The following DCLK1 variants were observed in gnomAD, a reference collection of about 807,000 sequenced individuals.
DCLK1 encodes doublecortin like kinase 1.
DCLK1 carries 16 observed loss-of-function variants against 86.2 expected under a neutral mutation model. The ratio of observed to expected loss-of-function variants is 0.19; its 90% CI spans 0.13 to 0.28. The LOEUF is 0.28. Ranked by LOEUF, DCLK1 falls within the 10% of genes least tolerant of loss-of-function variation. The pLI is 1.00. For missense variants in DCLK1, 590 were observed against 940.2 expected, an observed-to-expected ratio of 0.63 and a Z score of 4.87; for synonymous variants, 369 against 370.5, an observed-to-expected ratio of 1.00 and a Z score of 0.05.
rs188133468 is a variant in DCLK1 at position 35,791,943 on chromosome 13, G to T, written c.2058+1423C>A. 1.1e-4 allele frequency among the ~76,000 whole-genome samples: 16 copies of T among 152,310 alleles called. No individual in the cohort carries two copies. The East Asian group carries it at 2.7e-3, about 26-fold the overall frequency. On this transcript the variant is annotated intron_variant, in intron 16 of 16. Transcript: ENST00000360631. The stretch of plus-strand genomic sequence containing the variant: ...GAACAATGGAAACAGAGTATAGAAT[G>T]TCTGGTTTAGTAGAGAATCACTATG...
intron 3 of DCLK1, among the ~76,000 whole-genome samples, chr13:35,976,544 T>A (rs1287112439): frequency 7.4e-6 from 1 of 134,966 alleles, no homozygotes; most frequent in Non-Finnish European, 1.6e-5. Context: ...TTTTTTTTTT[T>A]TTTTGAGACG....
At chr13:36,116,198 C>T (rs1039467880) in intron 2 of DCLK1, among the ~76,000 whole-genome samples, 11 of 152,042 alleles carry the variant, frequency 7.2e-5, no homozygotes, top group Admixed American at 6.6e-5. Context: ...GATCCGCCCA[C>T]CTCAGCCTCC....
At chr13:36,014,715 GAA>G (rs1881461360) in intron 3 of DCLK1, among the ~76,000 whole-genome samples, 1 of 152,104 alleles carries the variant, frequency 6.6e-6, no homozygotes, top group African/African-American at 2.4e-5. Context: ...CTTACAATAA[GAA>G]CAAACATGAT....
Position 36,112,031 on chromosome 13 carries a change from C to T in DCLK1, c.561G>A (p.Leu187=), listed in dbSNP as rs773362735. ...RENKDFIRPK[L]VTIIRSGVKP... is the part of the protein sequence containing the mutation. ...TCACGCCACTTCTGATGATGGTGAC[C>T]AGCTTGGGCCGAATGAAATCCTTAT... The change falls in exon 3 of 17, where the codon CTG becomes CTA. Residue 187 remains leucine (L), a synonymous_variant. Transcript: ENST00000360631. The T allele has an allele frequency of 1.9e-6, 3 of 1,614,212 alleles. No individual in the cohort carries two copies. The highest frequency in any genetic ancestry group is 2.2e-5 in the East Asian group (1 of 44,878).
chr13:35,818,456 G>A (rs1042606633), intron 11 of DCLK1, among the ~76,000 whole-genome samples: 11 of 152,216 alleles, frequency 7.2e-5, no homozygotes, highest in Admixed American at 7.2e-4. Context: ...GCAGCTGGGA[G>A]CAGGCACAAA....
chr13:35,847,166 T>A, intron 6 of DCLK1: 1 of 954,624 alleles, frequency 1.0e-6, no homozygotes, highest in Non-Finnish European at 1.2e-6. Context: ...TACTTATATT[T>A]AATAGTTAAC....
chr13:35,835,926 A>G, intron 8 of DCLK1, 107 bp downstream of exon 8: 1 of 848,912 alleles, frequency 1.2e-6, no homozygotes, highest in African/African-American at 1.7e-5. Flanking sequence ...GGGTTGAGAC[A>G]TTAACTTATT....
Position 35,784,275 on chromosome 13 carries a change from A to T in DCLK1, c.2058+9091T>A, listed in dbSNP as rs1194503611. 6.6e-5 allele frequency among the ~76,000 whole-genome samples: 10 copies of T among 152,346 alleles called. No individual in the cohort carries two copies. The East Asian group carries it at 1.9e-3, about 29-fold the overall frequency. On this transcript the variant is annotated intron_variant, in intron 16 of 16. Coordinates refer to ENST00000360631, the MANE Select transcript of DCLK1 (RefSeq NM_001330071.2). ...CTTCAGTTTACACTCAATGATTAAGACTTGGAATGCCATGACATTTTCTCA... is the reference window on the plus strand; with the variant it reads ...CTTCAGTTTACACTCAATGATTAAGTCTTGGAATGCCATGACATTTTCTCA...
intron 5 of DCLK1, among the ~76,000 whole-genome samples, chr13:35,861,992 C>A (rs1871428031): frequency 6.7e-6 from 1 of 149,322 alleles, no homozygotes; most frequent in Admixed American, 6.7e-5. Context: ...AGATTGCGCC[C>A]ACCGCACTCC....
At position 36,053,662 on chromosome 13, in the gene DCLK1, G is replaced by A. The variant is rs116576760; in HGVS notation, c.723+58207C>T. Among the ~76,000 whole-genome samples the A allele has an allele frequency of 4.2e-3, 633 of 151,762 alleles. 8 individuals are homozygous for A. The highest frequency in any genetic ancestry group is 0.015 in the African/African-American group (602 of 41,416). ...ATATAAATTATATGTATTATATATT[G>A]TGACATATATATGTCATAGGGTGAT... On this transcript the variant is annotated intron_variant, in intron 3 of 16. Coordinates refer to ENST00000360631, the MANE Select transcript of DCLK1 (RefSeq NM_001330071.2).
intron 2 of DCLK1, 32 bp downstream of exon 2, chr13:36,125,730 G>A (rs1886148532): frequency 1.3e-6 from 2 of 1,586,654 alleles, no homozygotes; most frequent in Non-Finnish European, 1.7e-6. Context: ...GGAACCTGTA[G>A]GGTCACGTGG....
At chr13:35,801,135 G>A (rs990397115) in intron 15 of DCLK1, among the ~76,000 whole-genome samples, 4 of 152,090 alleles carry the variant, frequency 2.6e-5, no homozygotes, top group Non-Finnish European at 5.9e-5. Context: ...ACGTCCTTAC[G>A]GTTCACATAA....
rs76031366 is a variant in DCLK1 at position 35,923,786 on chromosome 13, T to G, written c.823+23572A>C. On this transcript the variant is annotated intron_variant, in intron 4 of 16. Transcript: ENST00000360631. ...ACCTGTCCGAGAAGGGTGACAATTT[T>G]GTGAAGAATGCCCTTGAAGGACAGA... Among the ~76,000 whole-genome samples the G allele has an allele frequency of 4.2e-3, 642 of 152,246 alleles. 3 individuals are homozygous for G. The highest frequency in any genetic ancestry group is 5.2e-3 in the Non-Finnish European group (354 of 68,022).
Position 35,839,223 on chromosome 13 carries a change from C to G in DCLK1, c.1036-47G>C, listed in dbSNP as rs73510458. 8.8e-4 allele frequency: 1,343 copies of G among 1,518,092 alleles called. 9 individuals are homozygous for G. The African/African-American group carries it at 0.017, about 19-fold the overall frequency. 94.0% of individuals were successfully genotyped at this position (1,518,092 alleles called of 1,614,324 possible). A position where few individuals can be genotyped will look rare whatever the true frequency, so the allele number is the denominator to read the frequency against. ...TAATTCAAAAACTGGGTCAGAATGC[C>G]TGAGTTTCCAGGGACCATGCCCAGC... On this transcript the variant is annotated intron_variant, in intron 6 of 16. Transcript: ENST00000360631.
At chr13:35,958,027 C>CCATTACTACTAT (rs1566620227) in intron 3 of DCLK1, among the ~76,000 whole-genome samples, 1 of 101,154 alleles carries the variant, frequency 9.9e-6, no homozygotes, top group African/African-American at 4.6e-5. Flanking sequence ...TCACACACCA[C>CCATTACTACTAT]AACTACCACC....
intron 5 of DCLK1, among the ~76,000 whole-genome samples, chr13:35,862,032 C>CAAAAAAAAAAAA (rs36091477): frequency 1.4e-5 from 1 of 71,138 alleles, no homozygotes. Context: ...GACTCCGTCT[C>CAAAAAAAAAAAA]AAAAAAAAAA....
chr13:35,924,448 G>A (rs561887226), intron 4 of DCLK1, among the ~76,000 whole-genome samples: 1 of 152,114 alleles, frequency 6.6e-6, no homozygotes, highest in African/African-American at 2.4e-5. Flanking sequence ...TCAGGGGTTT[G>A]AGATCAGTCT....
At chr13:35,850,529 T>A (rs1047548387) in intron 6 of DCLK1, 1 of 1,252,646 alleles carries the variant, frequency 8.0e-7, no homozygotes, top group Non-Finnish European at 1.0e-6. Flanking sequence ...GAGATATTTT[T>A]AAAAATCTCT....
At chr13:35,917,293 A>G (rs896736567) in intron 4 of DCLK1, among the ~76,000 whole-genome samples, 1 of 152,242 alleles carries the variant, frequency 6.6e-6, no homozygotes, top group Non-Finnish European at 1.5e-5. Flanking sequence ...TGAATCTACA[A>G]TTGGAGAGGA....
Sources: allele counts gnomAD v4.1 joint callset (sites outside exome capture counted in the v4.1 genomes callset), GRCh38; gene constraint gnomAD v4.1.1; transcripts MANE v1.5; gene names NCBI Gene and HGNC (gene_info 2026-07-23, HGNC 2026-07-21).